FGF7: variants seen among roughly 807,000 people sequenced by gnomAD.
FGF7 encodes the protein fibroblast growth factor 7.
In FGF7, 6 loss-of-function variants were observed where a neutral mutation model predicts 20.5. The ratio of observed to expected loss-of-function variants is 0.29; its 90% CI spans 0.16 to 0.58. The LOEUF (loss-of-function observed/expected upper bound fraction) is 0.58. Among genes scored for constraint, FGF7 ranks in the 20% least tolerant of loss-of-function variants. FGF7 has a pLI of 0.90. For missense variants in FGF7, 144 were observed against 228.8 expected (o/e 0.63, Z 2.39); for synonymous variants, 64 against 74.7 (o/e 0.86, Z 0.74).
chr15:49,434,293 T>C (rs528193673), intron 2 of FGF7: 25 of 151,796 alleles, frequency 1.6e-4, no homozygotes, highest in African/African-American at 5.8e-4. Context: ...TGACTTTTTT[T>C]TTTAATTAAT....
At chr15:49,426,189 T>C (rs2050119058) in intron 2 of FGF7, among the ~76,000 whole-genome samples, 1 of 151,826 alleles carries the variant, frequency 6.6e-6, no homozygotes, top group South Asian at 2.1e-4. Flanking sequence ...TTTTCATCTA[T>C]AAAATGTGGG....
At chr15:49,452,929 A>C (rs1162351819) in intron 2 of FGF7, among the ~76,000 whole-genome samples, 8 of 152,178 alleles carry the variant, frequency 5.3e-5, no homozygotes, top group African/African-American at 1.9e-4. Context: ...AAAGTCAGGA[A>C]TTTATCACTT....
chr15:49,466,542 CACTGAA>C (rs1447472661), intron 2 of FGF7, among the ~76,000 whole-genome samples: 2 of 151,900 alleles, frequency 1.3e-5, no homozygotes, highest in African/African-American at 4.8e-5. Context: ...TAGAGTATAC[CACTGAA>C]ACTTTTGAAG....
intron 2 of FGF7, among the ~76,000 whole-genome samples, chr15:49,453,372 G>C (rs1019476044): frequency 3.3e-5 from 5 of 152,108 alleles, no homozygotes; most frequent in Non-Finnish European, 7.4e-5. Flanking sequence ...CCAAAGTGTT[G>C]AGATTACAGG....
chr15:49,480,793 T>C (rs1358609200), intron 2 of FGF7, among the ~76,000 whole-genome samples: 2 of 151,938 alleles, frequency 1.3e-5, no homozygotes, highest in African/African-American at 4.8e-5. Flanking sequence ...ATCCCCTTTG[T>C]AAAGTGCAGT....
At chr15:49,450,005 A>G (rs2052578138) in intron 2 of FGF7, among the ~76,000 whole-genome samples, 2 of 152,126 alleles carry the variant, frequency 1.3e-5, no homozygotes, top group Non-Finnish European at 2.9e-5. Flanking sequence ...CGCCATTCAT[A>G]CAAATGTGGT....
intron 2 of FGF7, among the ~76,000 whole-genome samples, chr15:49,468,240 C>T (rs2054438226): frequency 6.6e-6 from 1 of 151,978 alleles, no homozygotes; most frequent in African/African-American, 2.4e-5. Flanking sequence ...TTGATTTATT[C>T]CCTAATAATG....
intron 2 of FGF7, among the ~76,000 whole-genome samples, chr15:49,459,368 C>T (rs1363121743): frequency 6.6e-6 from 1 of 152,162 alleles, no homozygotes; most frequent in Non-Finnish European, 1.5e-5. Context: ...ATCAGAACAC[C>T]TGTAATTAGT....
At chr15:49,446,312 A>G (rs983971124) in intron 2 of FGF7, among the ~76,000 whole-genome samples, 1 of 151,626 alleles carries the variant, frequency 6.6e-6, no homozygotes, top group African/African-American at 2.4e-5. Context: ...AGTTCAATTC[A>G]GTACTCATAG....
At chr15:49,448,510 AACTC>A (rs893389461) in intron 2 of FGF7, among the ~76,000 whole-genome samples, 4 of 151,844 alleles carry the variant, frequency 2.6e-5, no homozygotes, top group Admixed American at 2.0e-4. Context: ...TGTTTTAAAA[AACTC>A]CTAACATAAG....
At chr15:49,468,598 G>GA (rs2054472428) in intron 2 of FGF7, among the ~76,000 whole-genome samples, 2 of 152,290 alleles carry the variant, frequency 1.3e-5, no homozygotes, top group African/African-American at 4.8e-5. Context: ...TGGGAAAAGA[G>GA]AAAAACCTGG....
chr15:49,459,792 G>A (rs1013673932), intron 2 of FGF7, among the ~76,000 whole-genome samples: 15 of 151,980 alleles, frequency 9.9e-5, no homozygotes, highest in African/African-American at 2.7e-4. Flanking sequence ...GGCTCATCCC[G>A]GCTCCTGTGT....
intron 2 of FGF7, among the ~76,000 whole-genome samples, chr15:49,452,425 A>T (rs2052841476): frequency 6.6e-6 from 1 of 152,202 alleles, no homozygotes; most frequent in Non-Finnish European, 1.5e-5. Flanking sequence ...CCTTGTTAAC[A>T]TCTATTTCTA....
At chr15:49,455,095 T>C (rs1018359054) in intron 2 of FGF7, among the ~76,000 whole-genome samples, 12 of 152,114 alleles carry the variant, frequency 7.9e-5, no homozygotes, top group African/African-American at 2.9e-4. Context: ...TAAAGCATAT[T>C]CTCTAGGCCT....
At chr15:49,431,116 T>C (rs1261753610) in intron 2 of FGF7, among the ~76,000 whole-genome samples, 2 of 151,880 alleles carry the variant, frequency 1.3e-5, no homozygotes, top group African/African-American at 4.8e-5. Context: ...AATAAAATTA[T>C]GTATACTTAA....
chr15:49,466,150 G>A (rs1274196126), intron 2 of FGF7, among the ~76,000 whole-genome samples: 2 of 152,200 alleles, frequency 1.3e-5, no homozygotes, highest in Non-Finnish European at 2.9e-5. Context: ...TTCAATTTGG[G>A]TACTCAGGTA....
At position 49,481,777 on chromosome 15, in the gene FGF7, T is replaced by C. The variant is rs573140484; in HGVS notation, c.287-1374T>C. Among the ~76,000 whole-genome samples the C allele has an allele frequency of 3.3e-5, 5 of 152,292 alleles. No individual in the cohort carries two copies. In the East Asian group the frequency reaches 9.6e-4, roughly 29 times the overall value. On this transcript the variant is annotated intron_variant, in intron 2 of 3. Coordinates refer to ENST00000267843, the MANE Select transcript of FGF7 (RefSeq NM_002009.4). Reference sequence around the variant, plus strand: ...AGATTAATATCCATTCATTTGCATTTTCTTAATAAAACCCAATTTCTAGAT... The same window carrying C: ...AGATTAATATCCATTCATTTGCATTCTCTTAATAAAACCCAATTTCTAGAT...
intron 2 of FGF7, among the ~76,000 whole-genome samples, chr15:49,470,285 A>G (rs1331478128): frequency 2.6e-5 from 4 of 152,150 alleles, no homozygotes; most frequent in Non-Finnish European, 5.9e-5. Context: ...TATTTTTAAA[A>G]TTAAAACACT....
At chr15:49,454,092 A>C (rs1388802685) in intron 2 of FGF7, among the ~76,000 whole-genome samples, 1 of 152,156 alleles carries the variant, frequency 6.6e-6, no homozygotes, top group Non-Finnish European at 1.5e-5. Context: ...GTAGGTTTGA[A>C]ACTCTGCTTT....
Sources: allele counts gnomAD v4.1 joint callset (sites outside exome capture counted in the v4.1 genomes callset), GRCh38; gene constraint gnomAD v4.1.1; transcripts MANE v1.5; gene names NCBI Gene and HGNC (gene_info 2026-07-23, HGNC 2026-07-21).